The following CCDC171 variants were observed in gnomAD, a reference collection of about 807,000 sequenced individuals.
CCDC171 encodes coiled-coil domain-containing protein 171.
CCDC171 carries 177 observed loss-of-function variants against 168.2 expected under a neutral mutation model. The observed-to-expected ratio is 1.05, with a 90% CI of 0.93 to 1.19. The LOEUF (loss-of-function observed/expected upper bound fraction) is 1.19, where lower values mean the gene tolerates loss of function less well. Ranked by LOEUF, CCDC171 falls within the 50% of genes most tolerant of loss-of-function variation. The probability of loss-of-function intolerance (pLI) is 0.00; values close to 1 mark genes in which losing one functional copy is unlikely to be tolerated. For missense variants in CCDC171, 1,991 were observed against 1,539.0 expected (o/e 1.29, Z -4.91); for synonymous variants, 687 against 540.8 (o/e 1.27, Z -3.75).
At chr9:16,032,015 TGAGA>T (rs1187120241) in intron 6 of CCDC171, among the ~76,000 whole-genome samples, 1 of 152,162 alleles carries the variant, frequency 6.6e-6, no homozygotes, top group Non-Finnish European at 1.5e-5. Flanking sequence ...AAACGGGCCC[TGAGA>T]GAAACATGTT....
intron 17 of CCDC171, among the ~76,000 whole-genome samples, 199 bp from the exon 18 acceptor site, chr9:15,745,316 T>C (rs192615152): frequency 6.6e-6 from 1 of 152,358 alleles, no homozygotes; most frequent in African/African-American, 2.4e-5. Flanking sequence ...TTTGTTTTTT[T>C]CTGTTTATTT....
intron 1 of CCDC171, among the ~76,000 whole-genome samples, chr9:16,059,664 G>A (rs1394466807): frequency 4.7e-5 from 7 of 150,356 alleles, no homozygotes; most frequent in African/African-American, 1.7e-4. Context: ...ACAGGCGCCC[G>A]CCACCGCGCC....
At chr9:15,969,656 T>C (rs891074836) in intron 25 of CCDC171, among the ~76,000 whole-genome samples, 2 of 152,192 alleles carry the variant, frequency 1.3e-5, no homozygotes, top group African/African-American at 4.8e-5. Flanking sequence ...TAAAATATTC[T>C]ACTATAATAA....
At chr9:15,947,903 C>G (rs1017382754) in intron 25 of CCDC171, among the ~76,000 whole-genome samples, 2 of 151,566 alleles carry the variant, frequency 1.3e-5, no homozygotes, top group African/African-American at 2.4e-5. Context: ...TATACATGTG[C>G]CATGCTGGTG....
chr9:15,844,233 C>T (rs2060805399), intron 21 of CCDC171, among the ~76,000 whole-genome samples: 1 of 151,668 alleles, frequency 6.6e-6, no homozygotes, highest in Non-Finnish European at 1.5e-5. Context: ...TTAATTAGAT[C>T]AATCTGAACA....
intron 8 of CCDC171, among the ~76,000 whole-genome samples, chr9:15,662,187 G>C (rs542875095): frequency 6.6e-6 from 1 of 152,180 alleles, no homozygotes; most frequent in African/African-American, 2.4e-5. Flanking sequence ...TGAGGCATGA[G>C]AATTGCTTGA....
chr9:16,020,299 T>C (rs956215912), intron 3 of CCDC171, among the ~76,000 whole-genome samples: 4 of 152,360 alleles, frequency 2.6e-5, no homozygotes, highest in Admixed American at 2.6e-4. Flanking sequence ...ATCCCCAAGA[T>C]ATCTCATTAT....
At chr9:15,815,419 CTTT>C (rs59112774) in intron 21 of CCDC171, among the ~76,000 whole-genome samples, 2,766 of 83,890 alleles carry the variant, frequency 0.033, 749 homozygotes, top group African/African-American at 0.12. Context: ...ACTTCTTTTA[CTTT>C]TTTTTTTTTT....
intron 3 of CCDC171, among the ~76,000 whole-genome samples, chr9:15,576,412 T>G (rs971633670): frequency 5.9e-5 from 9 of 152,136 alleles, no homozygotes; most frequent in Admixed American, 2.6e-4. Context: ...GGTCTCAAAC[T>G]CCTAGCCTCA....
At chr9:15,854,648 GTC>G (rs1282309876) in intron 23 of CCDC171, among the ~76,000 whole-genome samples, 1 of 151,404 alleles carries the variant, frequency 6.6e-6, no homozygotes, top group Non-Finnish European at 1.5e-5. Flanking sequence ...TGCGCTCTCT[GTC>G]TCTCTCTTAA....
rs200452937 is a variant in CCDC171, at chr9:15,744,488, C to T, written c.2265C>T (p.Leu755=). The T allele has an allele frequency of 1.5e-5, 24 of 1,614,056 alleles. No homozygotes were observed. Among genetic ancestry groups the T allele is most frequent in the Non-Finnish European group, 2.0e-5 (24 of 1,180,044 alleles). ...CCTTGTCTACACAGAGAGATTTTCT[C>T]CAGGAGCAGGTCAACACCTTTGAGT... is the stretch of plus-strand genomic sequence containing the variant. The part of the protein sequence containing the change: ...SCALSTQRDF[L]QEQVNTFELF... The change falls in exon 17 of 26, where the codon CTC becomes CTT. Residue 755 remains leucine, a synonymous_variant. Coordinates refer to ENST00000380701, the MANE Select transcript of CCDC171 (RefSeq NM_173550.4).
intron 1 of CCDC171, among the ~76,000 whole-genome samples, chr9:16,048,285 A>G (rs1035309529): frequency 2.0e-5 from 3 of 149,468 alleles, no homozygotes; most frequent in African/African-American, 7.4e-5. Context: ...TTGTGTACAG[A>G]TGGCACTCTG....
intron 16 of CCDC171, among the ~76,000 whole-genome samples, 187 bp downstream of exon 16, chr9:15,729,985 A>C (rs2054056748): frequency 6.6e-6 from 1 of 152,046 alleles, no homozygotes; most frequent in Non-Finnish European, 1.5e-5. Flanking sequence ...GTGTATATTA[A>C]GGATTGTCTT....
chr9:15,701,014 C>T (rs754536489), intron 11 of CCDC171, among the ~76,000 whole-genome samples: 3 of 151,968 alleles, frequency 2.0e-5, no homozygotes, highest in Non-Finnish European at 2.9e-5. Flanking sequence ...AAAATATACT[C>T]ATTGGCCATT....
chr9:15,917,052 G>A (rs74644090), intron 24 of CCDC171, among the ~76,000 whole-genome samples: 1,824 of 152,094 alleles, frequency 0.012, 40 homozygotes, highest in African/African-American at 0.042. Flanking sequence ...AGGATATGTC[G>A]TAGAGGGTTA....
intron 10 of CCDC171, among the ~76,000 whole-genome samples, chr9:15,691,397 C>G (rs947938633): frequency 1.3e-5 from 2 of 150,242 alleles, no homozygotes; most frequent in Non-Finnish European, 3.0e-5. Context: ...AATTATAAAA[C>G]ACATTGTGAA....
intron 25 of CCDC171, among the ~76,000 whole-genome samples, chr9:15,955,623 C>G (rs746431486): frequency 1.3e-5 from 2 of 152,120 alleles, no homozygotes; most frequent in Non-Finnish European, 2.9e-5. Flanking sequence ...TCCAAGCCTT[C>G]CCCTGGAAGT....
chr9:16,052,799 C>T (rs960711203), intron 1 of CCDC171, among the ~76,000 whole-genome samples: 1 of 151,800 alleles, frequency 6.6e-6, no homozygotes, highest in Non-Finnish European at 1.5e-5. Flanking sequence ...CAACCCACCG[C>T]CCCCCATTAC....
At chr9:15,799,178 C>G (rs1030574022) in intron 21 of CCDC171, among the ~76,000 whole-genome samples, 1 of 103,166 alleles carries the variant, frequency 9.7e-6, no homozygotes, top group African/African-American at 3.8e-5. Flanking sequence ...CATTTTGATG[C>G]ACACTTCCTT....
Sources: gnomAD v4.1 joint callset for allele counts (sites outside exome capture counted in the v4.1 genomes callset) on GRCh38, gnomAD v4.1.1 for gene constraint, MANE v1.5 for transcripts, NCBI Gene and HGNC (gene_info 2026-07-23, HGNC 2026-07-21) for gene names.